The following NUP37 variants were observed in gnomAD, a reference collection of about 807,000 sequenced individuals.
NUP37 encodes nucleoporin Nup37.
Under a neutral mutation model 45.4 loss-of-function variants are expected in NUP37, and 33 were observed. The observed-to-expected ratio is 0.73, with a 90% CI of 0.55 to 0.97. The LOEUF is 0.97. Ranked by LOEUF, NUP37 falls within the 50% of genes least tolerant of loss-of-function variation. The probability of loss-of-function intolerance (pLI) is 0.00; values close to 1 mark genes in which losing one functional copy is unlikely to be tolerated. For synonymous variants in NUP37, 127 were observed against 130.7 expected (o/e 0.97, Z 0.19); for missense variants, 365 against 389.7 (o/e 0.94, Z 0.53).
At chr12:102,076,483 G>A (rs1879171439) in intron 8 of NUP37, among the ~76,000 whole-genome samples, 1 of 152,110 alleles carries the variant, frequency 6.6e-6, no homozygotes. Flanking sequence ...ACATGAACAT[G>A]GGCTCCCCTA....
chr12:102,103,775 T>A (rs1880042949), intron 3 of NUP37, among the ~76,000 whole-genome samples: 1 of 152,082 alleles, frequency 6.6e-6, no homozygotes, highest in African/African-American at 2.4e-5. Flanking sequence ...AAAAACCACA[T>A]CATCTCAAAA....
At chr12:102,093,950 G>A (rs1879731687) in intron 5 of NUP37, among the ~76,000 whole-genome samples, 1 of 152,214 alleles carries the variant, frequency 6.6e-6, no homozygotes, top group South Asian at 2.1e-4. Flanking sequence ...CTACTAGAGA[G>A]TGATTTTACC....
intron 5 of NUP37, among the ~76,000 whole-genome samples, chr12:102,098,424 T>C (rs933297893): frequency 6.6e-6 from 1 of 152,178 alleles, no homozygotes; most frequent in Non-Finnish European, 1.5e-5. Flanking sequence ...AGAGTCATAG[T>C]TCATTATTCC....
chr12:102,107,237 G>GA (rs1419316779), intron 3 of NUP37, among the ~76,000 whole-genome samples: 3 of 152,056 alleles, frequency 2.0e-5, no homozygotes, highest in East Asian at 3.9e-4. Flanking sequence ...AACACGTTAA[G>GA]AAAAAAAATA....
intron 2 of NUP37, among the ~76,000 whole-genome samples, chr12:102,117,456 A>T (rs76911393): frequency 3.9e-5 from 6 of 152,092 alleles, no homozygotes; most frequent in South Asian, 2.1e-4. Flanking sequence ...AAAAAAATAA[A>T]AATAATAATA....
chr12:102,116,544 A>C (rs1880468019), intron 2 of NUP37, among the ~76,000 whole-genome samples: 1 of 152,254 alleles, frequency 6.6e-6, no homozygotes, highest in Admixed American at 6.5e-5. Context: ...CCAAACAGAC[A>C]GTACGAAATA....
At chr12:102,092,514 A>G (rs1463719858) in intron 5 of NUP37, among the ~76,000 whole-genome samples, 1 of 152,216 alleles carries the variant, frequency 6.6e-6, no homozygotes, top group Non-Finnish European at 1.5e-5. Flanking sequence ...ATTTTCTCTT[A>G]GTTCCAATTA....
chr12:102,103,910 C>G (rs1420261831), intron 3 of NUP37, among the ~76,000 whole-genome samples: 4 of 152,148 alleles, frequency 2.6e-5, no homozygotes, highest in Non-Finnish European at 5.9e-5. Flanking sequence ...TAACATCATT[C>G]TTAATGGTGA....
At chr12:102,099,976 A>G (rs899286199) in intron 4 of NUP37, among the ~76,000 whole-genome samples, 28 of 152,082 alleles carry the variant, frequency 1.8e-4, no homozygotes, top group Non-Finnish European at 1.2e-4. Flanking sequence ...TAGAAATGTA[A>G]TATTAAAAAA....
intron 1 of NUP37, among the ~76,000 whole-genome samples, chr12:102,119,771 CACCT>C (rs1880689930): frequency 6.6e-6 from 1 of 152,220 alleles, no homozygotes; most frequent in Admixed American, 6.5e-5. Flanking sequence ...TCCGTCCCTA[CACCT>C]ACTGCTCATT....
In NUP37 at chr12:102,074,161, TACAC is replaced by T. The variant is rs200965605; in HGVS notation, c.*189_*192del. The T allele has an allele frequency of 2.8e-6, 1 of 359,666 alleles. No individual in the cohort carries two copies. The highest frequency in any genetic ancestry group is 2.1e-5 in the African/African-American group (1 of 47,284). 22.3% of individuals were successfully genotyped at this position (359,666 alleles called of 1,614,324 possible). The stretch of plus-strand genomic sequence containing the variant: ...TTGTAAGATTAAAAATATATATATA[TACAC>T]ACACAGAGAACAGAGTAGAAAAATA... On this transcript the variant is annotated 3_prime_UTR_variant, in exon 10 of 10. Transcript: ENST00000552283.
chr12:102,107,762 G>GT (rs1450608420), intron 3 of NUP37, among the ~76,000 whole-genome samples: 2 of 152,020 alleles, frequency 1.3e-5, no homozygotes, highest in Non-Finnish European at 2.9e-5. Context: ...AATACATATA[G>GT]TATTATTATA....
chr12:102,119,695 G>T (rs1055374223), intron 1 of NUP37, among the ~76,000 whole-genome samples: 7 of 152,172 alleles, frequency 4.6e-5, no homozygotes, highest in African/African-American at 1.4e-4. Flanking sequence ...AGGGTGACCA[G>T]CAAGTGTTAT....
intron 5 of NUP37, among the ~76,000 whole-genome samples, chr12:102,095,480 T>A (rs574272233): frequency 2.0e-5 from 3 of 152,216 alleles, no homozygotes; most frequent in African/African-American, 7.2e-5. Flanking sequence ...CATCTGCATA[T>A]GGTAGACATG....
At chr12:102,094,235 C>A (rs914736036) in intron 5 of NUP37, among the ~76,000 whole-genome samples, 44 of 152,064 alleles carry the variant, frequency 2.9e-4, no homozygotes, top group African/African-American at 9.2e-4. Flanking sequence ...AATTACTGAT[C>A]TTGATTCAAA....
rs1880535546 is a variant in NUP37, at chr12:102,118,344, TGC to T, written c.156+17_156+18del. On this transcript the variant is annotated intron_variant, in intron 2 of 9. Coordinates refer to ENST00000552283, the MANE Select transcript of NUP37 (RefSeq NM_024057.4). ...GTGAAATATGTTCACTGTCATTCGG[TGC>T]AGTTTTGTAGACTAACCTGAAACGT... The T allele has an allele frequency of 6.2e-7, 1 of 1,604,288 alleles. No homozygotes were observed. Among genetic ancestry groups the T allele is most frequent in the East Asian group, 2.2e-5 (1 of 44,830 alleles).
chr12:102,096,551 A>G (rs1360516328), intron 5 of NUP37, among the ~76,000 whole-genome samples: 1 of 152,176 alleles, frequency 6.6e-6, no homozygotes, highest in Non-Finnish European at 1.5e-5. Context: ...ATCAGAAAAT[A>G]TGCATAGATC....
intron 6 of NUP37, among the ~76,000 whole-genome samples, chr12:102,082,235 T>TA (rs1172937162): frequency 6.6e-6 from 1 of 152,080 alleles, no homozygotes; most frequent in African/African-American, 2.4e-5. Flanking sequence ...TTCCTGATCT[T>TA]ACGGCTTTTT....
intron 5 of NUP37, among the ~76,000 whole-genome samples, chr12:102,088,866 C>T (rs1364860168): frequency 1.3e-5 from 2 of 151,962 alleles, no homozygotes; most frequent in Non-Finnish European, 2.9e-5. Flanking sequence ...CGGCCTTCCG[C>T]AGTGTTTGTG....
Sources: allele counts gnomAD v4.1 joint callset (sites outside exome capture counted in the v4.1 genomes callset), GRCh38; gene constraint gnomAD v4.1.1; transcripts MANE v1.5; gene names NCBI Gene and HGNC (gene_info 2026-07-23, HGNC 2026-07-21).